Variants in TAFA5 observed in about 807,000 individuals in gnomAD.
The protein encoded by TAFA5 is TAFA chemokine like family member 5.
Under a neutral mutation model 15.3 loss-of-function variants are expected in TAFA5, and 6 were observed. The ratio of observed to expected loss-of-function variants is 0.39; its 90% CI spans 0.21 to 0.77. The LOEUF is 0.77. TAFA5 is among the 30% of genes least tolerant of loss of function. The pLI, the probability that TAFA5 is intolerant of heterozygous loss-of-function variation, is 0.41. For missense variants in TAFA5, 161 were observed against 193.1 expected, an observed-to-expected ratio of 0.83 and a Z score of 0.98; for synonymous variants, 103 against 80.7, an observed-to-expected ratio of 1.28 and a Z score of -1.48.
intron 2 of TAFA5, among the ~76,000 whole-genome samples, chr22:48,704,368 T>G (rs532183855): frequency 6.6e-6 from 1 of 152,284 alleles, no homozygotes; most frequent in Non-Finnish European, 1.5e-5. Context: ...CCATATTTAC[T>G]GTTACCCAAC....
At chr22:48,557,134 T>C (rs1457429885) in intron 1 of TAFA5, among the ~76,000 whole-genome samples, 2 of 151,732 alleles carry the variant, frequency 1.3e-5, no homozygotes, top group Admixed American at 6.5e-5. Flanking sequence ...AGCGTCTGAA[T>C]TGTGTCTCCC....
Position 48,625,460 on chromosome 22 carries a change from A to G in TAFA5, c.113-21137A>G, listed in dbSNP as rs1186308018. Among the ~76,000 whole-genome samples the G allele has an allele frequency of 5.3e-5, 8 of 152,376 alleles. No homozygotes were observed. In the South Asian group the frequency reaches 1.2e-3, roughly 24 times the overall value. ...ATGCAGCTCACTGTTCAGTTCAAGTATCCGCGTATAGCACTATCGCAATCA... is the reference window on the plus strand; with the variant it reads ...ATGCAGCTCACTGTTCAGTTCAAGTGTCCGCGTATAGCACTATCGCAATCA... On this transcript the variant is annotated intron_variant, in intron 1 of 3. Transcript: ENST00000402357.
intron 1 of TAFA5, among the ~76,000 whole-genome samples, chr22:48,605,307 TG>T (rs1925136870): frequency 6.9e-6 from 1 of 145,146 alleles, no homozygotes; most frequent in African/African-American, 2.6e-5. Context: ...GTGATGGTGA[TG>T]ATGGTGGTGA....
chr22:48,525,002 A>G (rs1921730856), intron 1 of TAFA5, among the ~76,000 whole-genome samples: 2 of 151,760 alleles, frequency 1.3e-5, no homozygotes, highest in South Asian at 4.2e-4. Context: ...TAGAGCCGCA[A>G]CTTCTCTCCG....
At chr22:48,509,577 G>A (rs1921134342) in intron 1 of TAFA5, among the ~76,000 whole-genome samples, 1 of 152,092 alleles carries the variant, frequency 6.6e-6, no homozygotes, top group Admixed American at 6.6e-5. Context: ...TTAGTGATGT[G>A]GGGCCTTTTA....
chr22:48,707,057 C>A (rs750006070), intron 2 of TAFA5, among the ~76,000 whole-genome samples: 1 of 152,216 alleles, frequency 6.6e-6, no homozygotes. Flanking sequence ...TGCCCTGCCC[C>A]CTGCCCTGTC....
At chr22:48,602,274 C>T (rs1462133363) in intron 1 of TAFA5, among the ~76,000 whole-genome samples, 3 of 152,254 alleles carry the variant, frequency 2.0e-5, no homozygotes, top group Admixed American at 2.0e-4. Context: ...AATGTACAGG[C>T]ACCCACCTTT....
intron 1 of TAFA5, among the ~76,000 whole-genome samples, chr22:48,527,455 G>A (rs1921819026): frequency 6.6e-6 from 1 of 152,218 alleles, no homozygotes; most frequent in Non-Finnish European, 1.5e-5. Context: ...TGGACAGTGA[G>A]GCGGACTCCT....
intron 2 of TAFA5, among the ~76,000 whole-genome samples, chr22:48,692,906 G>T (rs1186180940): frequency 6.6e-6 from 1 of 152,224 alleles, no homozygotes; most frequent in East Asian, 1.9e-4. Context: ...CCCCTCCCAG[G>T]CCACCTCAGG....
At chr22:48,724,908 A>G (rs1569095296) in intron 3 of TAFA5, among the ~76,000 whole-genome samples, 1 of 152,252 alleles carries the variant, frequency 6.6e-6, no homozygotes, top group Non-Finnish European at 1.5e-5. Context: ...GGGTGGAGGT[A>G]AGTTTCACAG....
At chr22:48,549,941 C>A (rs113230197) in intron 1 of TAFA5, among the ~76,000 whole-genome samples, 1 of 152,214 alleles carries the variant, frequency 6.6e-6, no homozygotes, top group East Asian at 1.9e-4. Flanking sequence ...CTGCACCAGG[C>A]GAGGTCCGAA....
chr22:48,646,320 C>CTG (rs1926860607), intron 1 of TAFA5, among the ~76,000 whole-genome samples: 1 of 152,196 alleles, frequency 6.6e-6, no homozygotes, highest in Non-Finnish European at 1.5e-5. Flanking sequence ...AAAGATGGGG[C>CTG]TGTGTTTAAT....
chr22:48,684,943 C>T (rs5771715), intron 2 of TAFA5, among the ~76,000 whole-genome samples: 13,337 of 152,232 alleles, frequency 0.088, 1,932 homozygotes, highest in African/African-American at 0.3. Context: ...GTTTATTCTC[C>T]GCCAGTGACC....
At chr22:48,527,081 G>C (rs1025440625) in intron 1 of TAFA5, among the ~76,000 whole-genome samples, 2 of 152,210 alleles carry the variant, frequency 1.3e-5, no homozygotes, top group East Asian at 3.9e-4. Context: ...GATGTAAGGG[G>C]CTTCATTGTA....
chr22:48,615,135 C>T (rs1169670533), intron 1 of TAFA5, among the ~76,000 whole-genome samples: 1 of 152,196 alleles, frequency 6.6e-6, no homozygotes, highest in Non-Finnish European at 1.5e-5. Context: ...CCCGTCCCTC[C>T]TGAACCCAGG....
chr22:48,742,478 C>T lies in TAFA5; in HGVS notation c.391-7361C>T, dbSNP rs1410659721. ...TGGTGCTGTGTGGCGGAGCTGGCGG[C>T]GCAGTGGAGCGGGCGTTGTGGTGGA... On this transcript the variant is annotated intron_variant, in intron 3 of 3. Transcript: ENST00000402357. The surrounding 1 kb of genome is among the most constrained non-coding windows in gnomAD (Gnocchi z 6.2). Among the ~76,000 whole-genome samples the T allele has an allele frequency of 3.3e-5, 5 of 152,098 alleles. No homozygotes were observed. Among genetic ancestry groups the T allele is most frequent in the Admixed American group, 2.0e-4 (3 of 15,278 alleles).
intron 1 of TAFA5, among the ~76,000 whole-genome samples, chr22:48,551,720 G>C (rs1174389927): frequency 6.6e-6 from 1 of 152,066 alleles, no homozygotes; most frequent in Non-Finnish European, 1.5e-5. Flanking sequence ...GCAGGTGCAG[G>C]AGGGGAGACG....
At chr22:48,581,516 C>G (rs1924040213) in intron 1 of TAFA5, among the ~76,000 whole-genome samples, 3 of 152,164 alleles carry the variant, frequency 2.0e-5, no homozygotes, top group African/African-American at 7.2e-5. Context: ...GTGGTTTTTG[C>G]CCGTCTCTGG....
chr22:48,566,470 GGATGGGTGGATGACA>G lies in TAFA5; in HGVS notation c.112+76772_112+76786del, dbSNP rs943431919. On this transcript the variant is annotated intron_variant, in intron 1 of 3. Coordinates refer to ENST00000402357, the MANE Select transcript of TAFA5 (RefSeq NM_001082967.3). The surrounding 1 kb of genome is among the most constrained non-coding windows in gnomAD (Gnocchi z 4.5). ...ATTGATTGATGGAGGGATGGATGTT[GGATGGGTGGATGACA>G]GATGGATGGATGATGTACAGATGGA... Among the ~76,000 whole-genome samples the G allele has an allele frequency of 5.3e-5, 8 of 151,792 alleles. No homozygotes were observed. The highest frequency in any genetic ancestry group is 1.9e-4 in the African/African-American group (8 of 41,254).
Sources: gnomAD v4.1 joint callset for allele counts (sites outside exome capture counted in the v4.1 genomes callset) on GRCh38, gnomAD v4.1.1 for gene constraint, Gnocchi (gnomAD v3.1) non-coding constraint, MANE v1.5 for transcripts, NCBI Gene and HGNC (gene_info 2026-07-23, HGNC 2026-07-21) for gene names.